Variants in PDGFD observed in about 807,000 individuals in gnomAD.
PDGFD encodes the protein platelet-derived growth factor D.
In PDGFD, 30 loss-of-function variants were observed where a neutral mutation model predicts 44.7. That is an observed-to-expected ratio of 0.67 (90% confidence interval 0.50 to 0.91). The LOEUF (loss-of-function observed/expected upper bound fraction) is 0.91, where lower values mean the gene tolerates loss of function less well. Among genes scored for constraint, PDGFD ranks in the 40% least tolerant of loss-of-function variants. PDGFD has a pLI of 0.00. For synonymous variants in PDGFD, 173 were observed against 168.4 expected (o/e 1.03, Z -0.21); for missense variants, 445 against 457.8 (o/e 0.97, Z 0.25).
In PDGFD at chr11:104,119,159, TATAAC is replaced by T. The variant is rs1348558959; in HGVS notation, c.124+44640_124+44644del. Among the ~76,000 whole-genome samples, 18 of 10,142 alleles carry T rather than the reference TATAAC, an allele frequency of 1.8e-3. 6 individuals carry two copies. The highest frequency in any genetic ancestry group is 5.1e-3 in the African/African-American group (18 of 3,540). 6.7% of individuals were successfully genotyped at this position (10,142 alleles called of 152,430 possible). ...ATAATATATTAATATAATATATTGATATAACATATAATATATTAATATAATATATT... is the reference window on the plus strand; with the variant it reads ...ATAATATATTAATATAATATATTGATATATAATATATTAATATAATATATT... On this transcript the variant is annotated intron_variant, in intron 1 of 6. Coordinates refer to ENST00000393158, the MANE Select transcript of PDGFD (RefSeq NM_025208.5).
At chr11:103,998,716 C>A (rs1399960723) in intron 2 of PDGFD, among the ~76,000 whole-genome samples, 1 of 152,192 alleles carries the variant, frequency 6.6e-6, no homozygotes, top group African/African-American at 2.4e-5. Context: ...GAAGCTGCAA[C>A]TGACATAGAA....
At chr11:104,151,409 T>C (rs1318849886) in intron 1 of PDGFD, among the ~76,000 whole-genome samples, 4 of 152,302 alleles carry the variant, frequency 2.6e-5, no homozygotes, top group South Asian at 2.1e-4. Flanking sequence ...TTAAAATTTA[T>C]TGATATAATA....
At chr11:104,106,931 A>G (rs916526472) in intron 1 of PDGFD, among the ~76,000 whole-genome samples, 21 of 151,744 alleles carry the variant, frequency 1.4e-4, no homozygotes, top group African/African-American at 4.8e-4. Context: ...TTTAGTAGAG[A>G]TGGGGGTTTC....
At position 104,024,137 on chromosome 11, in the gene PDGFD, A is replaced by T. The variant is rs115139448; in HGVS notation, c.125-23882T>A. On this transcript the variant is annotated intron_variant, in intron 1 of 6. Coordinates refer to ENST00000393158, the MANE Select transcript of PDGFD (RefSeq NM_025208.5). ...ACTCTGGTAAATGAAAAGGTCTCAT[A>T]AAATGTATAACTTGGCATTGAGTAT... is the stretch of plus-strand genomic sequence containing the variant. Among the ~76,000 whole-genome samples the T allele has an allele frequency of 2.3e-3, 356 of 152,308 alleles. 1 individual carries two copies. The highest frequency in any genetic ancestry group is 7.9e-3 in the African/African-American group (329 of 41,576).
chr11:104,149,958 T>G (rs1040930895), intron 1 of PDGFD, among the ~76,000 whole-genome samples: 2 of 152,168 alleles, frequency 1.3e-5, no homozygotes, highest in African/African-American at 2.4e-5. Context: ...CTGTGGTCAT[T>G]GTACTTACAT....
chr11:104,024,080 G>A (rs1446681478), intron 1 of PDGFD, among the ~76,000 whole-genome samples: 1 of 152,056 alleles, frequency 6.6e-6, no homozygotes, highest in East Asian at 1.9e-4. Flanking sequence ...AGGAAAAAAT[G>A]TCACATGACT....
chr11:104,067,247 A>G (rs1399240679), intron 1 of PDGFD, among the ~76,000 whole-genome samples: 1 of 152,158 alleles, frequency 6.6e-6, no homozygotes, highest in African/African-American at 2.4e-5. Context: ...TTTTTGAGGG[A>G]GGATCAAACA....
At chr11:104,152,409 ATGTAG>A (rs954913961) in intron 1 of PDGFD, among the ~76,000 whole-genome samples, 1 of 152,170 alleles carries the variant, frequency 6.6e-6, no homozygotes, top group African/African-American at 2.4e-5. Flanking sequence ...GTAAAATAAC[ATGTAG>A]TGTAAACATA....
rs114722090 is a variant in PDGFD, at chr11:104,032,335, G to T, written c.125-32080C>A. On this transcript the variant is annotated intron_variant, in intron 1 of 6. Coordinates refer to ENST00000393158, the MANE Select transcript of PDGFD (RefSeq NM_025208.5). ...GAAAACATTAGTTATTTAACCTAAGGGTACAGCTTTTAAAATTCTGCATCT... is the reference window on the plus strand; with the variant it reads ...GAAAACATTAGTTATTTAACCTAAGTGTACAGCTTTTAAAATTCTGCATCT... 5.6e-3 allele frequency among the ~76,000 whole-genome samples: 852 copies of T among 152,024 alleles called. 7 individuals are homozygous for T. Among genetic ancestry groups the T allele is most frequent in the African/African-American group, 0.019 (806 of 41,476 alleles).
At chr11:103,972,797 C>A (rs1859122534) in intron 3 of PDGFD, among the ~76,000 whole-genome samples, 1 of 152,208 alleles carries the variant, frequency 6.6e-6, no homozygotes, top group East Asian at 1.9e-4. Flanking sequence ...ACTCATTTTA[C>A]AGGCTACAAC....
chr11:104,115,894 T>G (rs896916825), intron 1 of PDGFD, among the ~76,000 whole-genome samples: 2 of 152,142 alleles, frequency 1.3e-5, no homozygotes, highest in Non-Finnish European at 2.9e-5. Flanking sequence ...GTTGGTTTTT[T>G]TTCTTGCTAA....
At chr11:103,914,174 G>A (rs946502084) in intron 6 of PDGFD, among the ~76,000 whole-genome samples, 1 of 152,150 alleles carries the variant, frequency 6.6e-6, no homozygotes, top group Non-Finnish European at 1.5e-5. Context: ...CAAACAATAG[G>A]CTCTAGATGT....
rs190931937 is a variant in PDGFD, at chr11:104,155,239, T to G, written c.124+8565A>C. Among the ~76,000 whole-genome samples, 14 of 152,366 alleles carry G rather than the reference T, an allele frequency of 9.2e-5. 1 individual carries two copies. In the South Asian group the frequency reaches 2.1e-3, roughly 23 times the overall value. On this transcript the variant is annotated intron_variant, in intron 1 of 6. Coordinates refer to ENST00000393158, the MANE Select transcript of PDGFD (RefSeq NM_025208.5). ...ACTTAAGGCAATACCATTTACAGTT[T>G]ATGAACCTGGTAAACCTATCAGACA...
chr11:103,910,761 C>CCCCTGGAAAGGGGCTGAAA (rs142120490), intron 6 of PDGFD, among the ~76,000 whole-genome samples: 33 of 46,522 alleles, frequency 7.1e-4, no homozygotes, highest in African/African-American at 2.4e-3. Flanking sequence ...ACCATTCACT[C>CCCCTGGAAAGGGGCTGAAA]CAGGGATCCA....
chr11:103,924,920 C>T (rs1371032963), intron 6 of PDGFD, among the ~76,000 whole-genome samples: 1 of 152,070 alleles, frequency 6.6e-6, no homozygotes, highest in Non-Finnish European at 1.5e-5. Flanking sequence ...CCCTTTAACC[C>T]ATCACCTACA....
intron 1 of PDGFD, among the ~76,000 whole-genome samples, chr11:104,070,380 T>G (rs1860856578): frequency 6.6e-6 from 1 of 152,198 alleles, no homozygotes; most frequent in Non-Finnish European, 1.5e-5. Context: ...CTAACTTTTT[T>G]CTTTCTGTAT....
At chr11:103,976,485 T>C (rs974363956) in intron 3 of PDGFD, among the ~76,000 whole-genome samples, 7 of 152,276 alleles carry the variant, frequency 4.6e-5, no homozygotes, top group Admixed American at 2.0e-4. Context: ...CAGAGACAAT[T>C]TGACTTTCTC....
At chr11:104,000,027 G>C (rs11226108) in intron 2 of PDGFD, 24 bp downstream of exon 2, 293,360 of 1,589,192 alleles carry the variant, frequency 0.18, 27,820 homozygotes, top group Middle Eastern at 0.22. Context: ...AAATAGTACC[G>C]TAAAAATTTT....
At chr11:104,116,457 G>A (rs531686609) in intron 1 of PDGFD, among the ~76,000 whole-genome samples, 8 of 151,862 alleles carry the variant, frequency 5.3e-5, no homozygotes, top group Admixed American at 2.0e-4. Flanking sequence ...TTGAAATCAC[G>A]TAATGTGATG....
Sources: gnomAD v4.1 joint callset for allele counts (sites outside exome capture counted in the v4.1 genomes callset) on GRCh38, gnomAD v4.1.1 for gene constraint, MANE v1.5 for transcripts, NCBI Gene and HGNC (gene_info 2026-07-23, HGNC 2026-07-21) for gene names.